PRKAB2: variants seen among roughly 807,000 people sequenced by gnomAD.
PRKAB2 encodes protein kinase AMP-activated non-catalytic subunit beta 2.
In PRKAB2, 18 loss-of-function variants were observed where a neutral mutation model predicts 29.8. The ratio of observed to expected loss-of-function variants is 0.60; its 90% confidence interval spans 0.42 to 0.89. The LOEUF (loss-of-function observed/expected upper bound fraction) is 0.89, where lower values mean the gene tolerates loss of function less well. Ranked by LOEUF, PRKAB2 falls within the 40% of genes least tolerant of loss-of-function variation. The probability of loss-of-function intolerance (pLI) is 0.00; values close to 1 mark genes in which losing one functional copy is unlikely to be tolerated. For missense variants in PRKAB2, 270 were observed against 344.3 expected (o/e 0.78, Z 1.71); for synonymous variants, 136 against 125.9 (o/e 1.08, Z -0.54).
In PRKAB2 at chr1:147,167,767, C is replaced by T; in HGVS notation, c.323G>A (p.Ser108Asn). The T allele has an allele frequency of 6.2e-7, 1 of 1,612,892 alleles. No individual in the cohort carries two copies. The highest frequency in any genetic ancestry group is 8.5e-7 in the Non-Finnish European group (1 of 1,179,336). ...NWSTKIPLIK[S>N]HNDFVAILDL... ...TAGATTCAACCAAGACACTTGTCAC[C>T]TCTTAATCAGTGGAATCTTGGTGCT... is the stretch of plus-strand genomic sequence containing the variant. Residue 108 changes from serine (S) to asparagine (N), a missense_variant and splice_region_variant, in exon 3 of 8, where the codon AGC (serine) becomes AAC (asparagine). Physicochemically the swap from Ser to Asn is conservative, Grantham distance 46. Coordinates refer to ENST00000254101, the MANE Select transcript of PRKAB2 (RefSeq NM_005399.5).
chr1:147,155,190 T>A lies in PRKAB2; in HGVS notation c.*4375A>T, dbSNP rs2101606175. The A allele has an allele frequency of 6.6e-6, 1 of 152,648 alleles. No individual in the cohort carries two copies. Among genetic ancestry groups the A allele is most frequent in the South Asian group, 2.1e-4 (1 of 4,820 alleles). 9.5% of individuals were successfully genotyped at this position (152,648 alleles called of 1,614,324 possible). ...TGTATCATATCATATAATTTCCAGG[T>A]GTGTCAGAGTCCAGTGACAAATTAC... is the stretch of plus-strand genomic sequence containing the variant. On this transcript the variant is annotated 3_prime_UTR_variant, in exon 8 of 8. Coordinates refer to ENST00000254101, the MANE Select transcript of PRKAB2 (RefSeq NM_005399.5).
At position 147,155,668 on chromosome 1, in the gene PRKAB2, A is replaced by G. The variant is rs1553912353; in HGVS notation, c.*3897T>C. 1 of 152,578 alleles carries G rather than the reference A, an allele frequency of 6.6e-6. No homozygotes were observed. The highest frequency in any genetic ancestry group is 6.6e-5 in the Admixed American group (1 of 15,262). The allele number at this position is 152,578 out of a possible 1,614,324, so 9.5% of individuals were successfully genotyped here. ...TCCATAGTGTTTAGTATTTCACACC[A>G]ATCTTACTGCAAAAGTGCTGTGCTA... On this transcript the variant is annotated 3_prime_UTR_variant, in exon 8 of 8. Coordinates refer to ENST00000254101, the MANE Select transcript of PRKAB2 (RefSeq NM_005399.5).
intron 5 of PRKAB2, among the ~76,000 whole-genome samples, chr1:147,163,445 G>T (rs1057330764): frequency 9.9e-5 from 15 of 152,162 alleles, no homozygotes; most frequent in African/African-American, 3.4e-4. Context: ...AAACAATCAA[G>T]ATGTCTATCA....
At chr1:147,161,966 A>G (rs1165582390) in intron 6 of PRKAB2, among the ~76,000 whole-genome samples, 186 bp from the exon 7 acceptor site, 1 of 152,090 alleles carries the variant, frequency 6.6e-6, no homozygotes. Flanking sequence ...AAATTAGAAA[A>G]ATTATCAGTC....
chr1:147,171,931 G>A (rs1654637932), intron 2 of PRKAB2, 58 bp downstream of exon 2: 1 of 1,558,826 alleles, frequency 6.4e-7, no homozygotes, highest in African/African-American at 1.4e-5. Context: ...AAGGGAAGAG[G>A]AGCCCAGAAA....
intron 7 of PRKAB2, 45 bp from the exon 8 acceptor site, chr1:147,159,687 A>G (rs1553912864): frequency 6.5e-7 from 1 of 1,538,458 alleles, no homozygotes; most frequent in East Asian, 2.2e-5. Flanking sequence ...TACTTCAGAC[A>G]GTAGGTAGCT....
chr1:147,169,126 G>A (rs1194374479), intron 2 of PRKAB2, among the ~76,000 whole-genome samples: 19 of 152,006 alleles, frequency 1.2e-4, no homozygotes, highest in Non-Finnish European at 5.9e-5. Flanking sequence ...AAGTGACTTT[G>A]GTAAATAAGA....
chr1:147,160,753 G>C (rs1653912748), intron 7 of PRKAB2: 1 of 152,174 alleles, frequency 6.6e-6, no homozygotes, highest in Admixed American at 6.5e-5. Flanking sequence ...TATGAAGTCA[G>C]CATAGGAGGA....
At chr1:147,168,352 T>C (rs984059102) in intron 2 of PRKAB2, among the ~76,000 whole-genome samples, 2 of 152,238 alleles carry the variant, frequency 1.3e-5, no homozygotes, top group Admixed American at 1.3e-4. Flanking sequence ...GTCAGCCATA[T>C]ATTTTTATAG....
At chr1:147,172,364 A>C in intron 1 of PRKAB2, 65 bp downstream of exon 1, 2 of 623,434 alleles carry the variant, frequency 3.2e-6, no homozygotes. Flanking sequence ...AGCTCAGGAA[A>C]CCCGCTATCG....
chr1:147,167,295 A>G (rs1233028728), intron 3 of PRKAB2, among the ~76,000 whole-genome samples: 1 of 152,128 alleles, frequency 6.6e-6, no homozygotes, highest in African/African-American at 2.4e-5. Context: ...GCCTCAAGGT[A>G]CTCTTTCCCT....
chr1:147,165,103 G>T (rs765035806), intron 5 of PRKAB2, among the ~76,000 whole-genome samples: 147 of 152,296 alleles, frequency 9.7e-4, no homozygotes, highest in Non-Finnish European at 1.5e-3. Context: ...TCAGCTCACT[G>T]CAAGCTCCGC....
At chr1:147,172,237 C>T in intron 1 of PRKAB2, 70 bp from the exon 2 acceptor site, 1 of 1,432,292 alleles carries the variant, frequency 7.0e-7, no homozygotes. Context: ...CCGGCCCCGC[C>T]CCTGCGCCTC....
At chr1:147,170,692 G>C (rs1654482621) in intron 2 of PRKAB2, among the ~76,000 whole-genome samples, 1 of 152,078 alleles carries the variant, frequency 6.6e-6, no homozygotes. Context: ...CGATTCTCCT[G>C]CCTCAGCCTC....
At chr1:147,171,903 G>T (rs1000442268) in intron 2 of PRKAB2, 86 bp downstream of exon 2, 2 of 1,512,502 alleles carry the variant, frequency 1.3e-6, no homozygotes, top group Admixed American at 4.0e-5. Flanking sequence ...GGTTCGGCGC[G>T]GTAGAAAAGA....
At position 147,157,926 on chromosome 1, in the gene PRKAB2, C is replaced by G. The variant is rs1559605800; in HGVS notation, c.*1639G>C. ...AATCCCACACTTTACTCCATCACAC[C>G]TGGAATCCAAGAGGTCTACAAGTCC... On this transcript the variant is annotated 3_prime_UTR_variant, in exon 8 of 8. Transcript: ENST00000254101. 1.3e-5 allele frequency: 2 copies of G among 152,308 alleles called. No individual in the cohort carries two copies. The highest frequency in any genetic ancestry group is 4.8e-5 in the African/African-American group (2 of 41,552). The allele number at this position is 152,308 out of a possible 1,614,324, so 9.4% of individuals were successfully genotyped here. A position where few individuals can be genotyped will look rare whatever the true frequency, so the allele number is the denominator to read the frequency against.
chr1:147,163,731 T>A (rs12410188), intron 5 of PRKAB2, among the ~76,000 whole-genome samples: 30,512 of 152,042 alleles, frequency 0.2, 3,851 homozygotes, highest in Non-Finnish European at 0.27. Flanking sequence ...CAGGGTTTAT[T>A]CTGCGGGTGA....
At position 147,156,526 on chromosome 1, in the gene PRKAB2, C is replaced by T. The variant is rs758064994; in HGVS notation, c.*3039G>A. The T allele has an allele frequency of 6.6e-6, 1 of 152,132 alleles. No homozygotes were observed. Among genetic ancestry groups the T allele is most frequent in the South Asian group, 2.1e-4 (1 of 4,822 alleles). 9.4% of individuals were successfully genotyped at this position (152,132 alleles called of 1,614,324 possible). The stretch of plus-strand genomic sequence containing the variant: ...GATCCTCACAAACTTCTCTTGGATT[C>T]TTCTTTTACAAAGTTTCTCTACCAT... On this transcript the variant is annotated 3_prime_UTR_variant, in exon 8 of 8. Transcript: ENST00000254101.
intron 5 of PRKAB2, among the ~76,000 whole-genome samples, chr1:147,165,602 T>C (rs1192244847): frequency 6.6e-6 from 1 of 152,146 alleles, no homozygotes; most frequent in African/African-American, 2.4e-5. Context: ...AGTAACAAAA[T>C]GGTAACTACA....
Sources: gnomAD v4.1 joint callset for allele counts (sites outside exome capture counted in the v4.1 genomes callset) on GRCh38, gnomAD v4.1.1 for gene constraint, MANE v1.5 for transcripts, NCBI Gene and HGNC (gene_info 2026-07-23, HGNC 2026-07-21) for gene names.